The following LRBA variants were observed in gnomAD, a reference collection of about 807,000 sequenced individuals.
LRBA encodes LPS responsive beige-like anchor protein.
In LRBA, 176 loss-of-function variants were observed where a neutral mutation model predicts 330.0. That is an observed-to-expected ratio of 0.53 (90% CI 0.47 to 0.60). LRBA has a LOEUF of 0.60. LRBA is among the 20% of genes least tolerant of loss of function. LRBA has a pLI of 0.00. For missense variants in LRBA, 3,259 were observed against 3,444.8 expected (o/e 0.95, Z 1.35); for synonymous variants, 1,230 against 1,193.0 (o/e 1.03, Z -0.64).
At chr4:150,358,618 AACATAG>A (rs1347156992) in intron 47 of LRBA, among the ~76,000 whole-genome samples, 6 of 152,190 alleles carry the variant, frequency 3.9e-5, no homozygotes, top group Non-Finnish European at 7.3e-5. Context: ...ACTAGTTATA[AACATAG>A]ACATAAGTAA....
intron 36 of LRBA, among the ~76,000 whole-genome samples, chr4:150,714,250 C>A (rs1326515998): frequency 6.6e-6 from 1 of 151,962 alleles, no homozygotes; most frequent in Non-Finnish European, 1.5e-5. Context: ...ATTTCAAGAA[C>A]AGTTTATAAT....
chr4:150,444,166 A>C lies in LRBA; in HGVS notation c.6781-7302T>G, dbSNP rs114331233. On this transcript the variant is annotated intron_variant, in intron 44 of 56. Transcript: ENST00000651943. Reference sequence around the variant, plus strand: ...CTTGGCAAATACAGTTTTTTTAAAAAATGTGAACAAAAAAGGTAAATGTTG... The same window carrying C: ...CTTGGCAAATACAGTTTTTTTAAAACATGTGAACAAAAAAGGTAAATGTTG... Among the ~76,000 whole-genome samples the C allele has an allele frequency of 1.9e-3, 291 of 152,084 alleles. 3 individuals carry two copies. The highest frequency in any genetic ancestry group is 6.7e-3 in the African/African-American group (279 of 41,530).
At position 150,742,144 on chromosome 4, in the gene LRBA, AT is replaced by A. The variant is rs376124277; in HGVS notation, c.5646-6779del. Among the ~76,000 whole-genome samples the A allele has an allele frequency of 4.2e-3, 55 of 13,028 alleles. 5 individuals carry two copies. The highest frequency in any genetic ancestry group is 8.4e-3 in the Non-Finnish European group (18 of 2,154). 8.5% of individuals were successfully genotyped at this position (13,028 alleles called of 152,430 possible). A position where few individuals can be genotyped will look rare whatever the true frequency, so the allele number is the denominator to read the frequency against. On this transcript the variant is annotated intron_variant, in intron 35 of 56. Coordinates refer to ENST00000651943, the MANE Select transcript of LRBA (RefSeq NM_001364905.1). Reference sequence around the variant, plus strand: ...TATTATTATTATCATTATTATTATTATTATTATTTTTTTTTTTTAGGGACAG... The same window carrying A: ...TATTATTATTATCATTATTATTATTATATTATTTTTTTTTTTTAGGGACAG...
In LRBA at chr4:150,761,848, C is replaced by CTA; in HGVS notation, c.5581-3_5581-2dup. ...TCTTCTGAATAGAATTTTGCCACTC[C>CTA]TATAAAAAAAAAAGCAAAAATAGCT... On this transcript the variant is annotated splice_acceptor_variant, in intron 34 of 56. Transcript: ENST00000651943. LOFTEE classifies it high-confidence loss of function. 2 of 1,509,310 alleles carry CTA rather than the reference C, an allele frequency of 1.3e-6. No individual in the cohort carries two copies. The highest frequency in any genetic ancestry group is 1.8e-6 in the Non-Finnish European group (2 of 1,128,998). 93.5% of individuals were successfully genotyped at this position (1,509,310 alleles called of 1,614,324 possible).
intron 47 of LRBA, among the ~76,000 whole-genome samples, chr4:150,366,158 T>C (rs1198715863): frequency 6.6e-6 from 1 of 152,098 alleles, no homozygotes; most frequent in East Asian, 1.9e-4. Context: ...GAAAAAACAG[T>C]CTCAAAGAAT....
intron 35 of LRBA, among the ~76,000 whole-genome samples, chr4:150,758,883 A>T (rs1342172390): frequency 6.6e-6 from 1 of 150,414 alleles, no homozygotes; most frequent in Non-Finnish European, 1.5e-5. Flanking sequence ...CTATCTCTTC[A>T]CTTCTATCCT....
chr4:150,761,845 C>T lies in LRBA; in HGVS notation c.5583G>A (p.Glu1861=). 1 of 1,513,874 alleles carries T rather than the reference C, an allele frequency of 6.6e-7. No individual in the cohort carries two copies. Among genetic ancestry groups the T allele is most frequent in the Non-Finnish European group, 8.8e-7 (1 of 1,131,784 alleles). The allele number at this position is 1,513,874 out of a possible 1,614,324, so 93.8% of individuals were successfully genotyped here. The change falls in exon 35 of 57, where the codon GAG becomes GAA. Residue 1861 remains glutamate, a splice_region_variant and synonymous_variant. Transcript: ENST00000651943. ...VELVMLLCSQ[E]WQNSIQKNAG... ...CATTCTTCTGAATAGAATTTTGCCA[C>T]TCCTATAAAAAAAAAAGCAAAAATA...
In LRBA at chr4:150,370,177, T is replaced by A. The variant is rs138686670; in HGVS notation, c.7195-20018A>T. Among the ~76,000 whole-genome samples, 5 of 152,336 alleles carry A rather than the reference T, an allele frequency of 3.3e-5. 1 individual carries two copies. The East Asian group carries it at 9.6e-4, about 29-fold the overall frequency. On this transcript the variant is annotated intron_variant, in intron 47 of 56. Transcript: ENST00000651943. Reference sequence around the variant, plus strand: ...TTACCATATGATCTAGCAGTTGCACTCTTTGGTACTTACCCAAATGAGAGG... The same window carrying A: ...TTACCATATGATCTAGCAGTTGCACACTTTGGTACTTACCCAAATGAGAGG...
intron 36 of LRBA, among the ~76,000 whole-genome samples, chr4:150,695,315 C>G (rs1280669054): frequency 6.6e-6 from 1 of 151,962 alleles, no homozygotes; most frequent in Admixed American, 6.6e-5. Context: ...CAGATTCGAC[C>G]AAATTTTTTG....
intron 40 of LRBA, among the ~76,000 whole-genome samples, chr4:150,505,146 C>G (rs186705647): frequency 6.6e-6 from 1 of 152,168 alleles, no homozygotes; most frequent in East Asian, 1.9e-4. Context: ...TTTAACACCC[C>G]ACTGTCAACA....
intron 23 of LRBA, among the ~76,000 whole-genome samples, chr4:150,851,459 C>G (rs1750608402): frequency 6.6e-6 from 1 of 152,188 alleles, no homozygotes; most frequent in Non-Finnish European, 1.5e-5. Context: ...AGCCTCCTCT[C>G]TCTTATAGAC....
intron 2 of LRBA, among the ~76,000 whole-genome samples, chr4:150,936,129 G>A (rs1489275771): frequency 6.6e-6 from 1 of 151,492 alleles, no homozygotes; most frequent in African/African-American, 2.4e-5. Context: ...AATGCTCAAA[G>A]TAGGTGAGAA....
chr4:150,537,913 C>A (rs1764849864), intron 40 of LRBA, among the ~76,000 whole-genome samples: 1 of 152,186 alleles, frequency 6.6e-6, no homozygotes, highest in South Asian at 2.1e-4. Flanking sequence ...CAAGATCACA[C>A]CACTGCACTG....
intron 37 of LRBA, among the ~76,000 whole-genome samples, chr4:150,682,148 C>T (rs1288248572): frequency 1.3e-5 from 2 of 152,124 alleles, no homozygotes; most frequent in African/African-American, 4.8e-5. Flanking sequence ...CATTGGGTTC[C>T]TACTGTGTGT....
intron 53 of LRBA, among the ~76,000 whole-genome samples, chr4:150,296,034 A>G (rs1265545963): frequency 6.6e-6 from 1 of 152,220 alleles, no homozygotes; most frequent in South Asian, 2.1e-4. Flanking sequence ...TGCTGAAGTG[A>G]AATCTTATTC....
intron 37 of LRBA, among the ~76,000 whole-genome samples, chr4:150,625,586 G>C (rs1022907591): frequency 4.0e-5 from 6 of 151,606 alleles, no homozygotes; most frequent in African/African-American, 1.5e-4. Flanking sequence ...ATTTAACACA[G>C]TGCCTCTCAA....
intron 40 of LRBA, among the ~76,000 whole-genome samples, chr4:150,526,935 T>G (rs187917609): frequency 5.7e-4 from 86 of 152,080 alleles, no homozygotes; most frequent in Non-Finnish European, 1.1e-3. Context: ...TCACAGAAGA[T>G]CTATATATCA....
chr4:150,551,744 G>GA (rs1235926133), intron 40 of LRBA, among the ~76,000 whole-genome samples: 12 of 152,012 alleles, frequency 7.9e-5, no homozygotes, highest in African/African-American at 2.9e-4. Flanking sequence ...TTATACATGA[G>GA]AGAGCCATTT....
chr4:150,266,580 G>A (rs556701002), intron 56 of LRBA, among the ~76,000 whole-genome samples: 14 of 152,020 alleles, frequency 9.2e-5, no homozygotes, highest in East Asian at 3.9e-4. Context: ...CTAGTACCTC[G>A]TATCAAAATT....
Sources: gnomAD v4.1 joint callset for allele counts (sites outside exome capture counted in the v4.1 genomes callset) on GRCh38, gnomAD v4.1.1 for gene constraint, MANE v1.5 for transcripts, NCBI Gene and HGNC (gene_info 2026-07-23, HGNC 2026-07-21) for gene names.